AKAP1: variants seen among roughly 807,000 people sequenced by gnomAD.
AKAP1 encodes A-kinase anchoring protein 1, also known as A-kinase anchor protein 1, mitochondrial.
A neutral mutation model predicts 79.8 loss-of-function variants in AKAP1; 32 were observed. That is an observed-to-expected ratio of 0.40 (90% CI 0.30 to 0.54). The LOEUF is 0.54. Ranked by LOEUF, AKAP1 falls within the 20% of genes least tolerant of loss-of-function variation. The pLI, the probability that AKAP1 is intolerant of heterozygous loss-of-function variation, is 0.47. For synonymous variants in AKAP1, 416 were observed against 466.7 expected (o/e 0.89, Z 1.40); for missense variants, 961 against 1,138.9 (o/e 0.84, Z 2.25).
At chr17:57,092,627 C>T (rs1435390809) in intron 1 of AKAP1, 5 of 152,214 alleles carry the variant, frequency 3.3e-5, no homozygotes, top group African/African-American at 1.2e-4. Flanking sequence ...TTTACCTACA[C>T]AGTGTACCTG....
In AKAP1 at chr17:57,106,185, G is replaced by C; in HGVS notation, c.721G>C (p.Gly241Arg). 4 of 1,614,168 alleles carry C rather than the reference G, an allele frequency of 2.5e-6. No homozygotes were observed. The highest frequency in any genetic ancestry group is 3.4e-6 in the Non-Finnish European group (4 of 1,180,044). The change falls in exon 2 of 11, where the codon GGG becomes CGG. Residue 241 changes from glycine to arginine, a missense_variant. By Grantham distance (125) the Gly-to-Arg change is moderately radical. Transcript: ENST00000337714. The stretch of plus-strand genomic sequence containing the variant: ...GGGCCCCAGCCTGGCCTCTTTAGAG[G>C]GGGAAGAAGATAAGGGGAAGAGCAG... Reference protein sequence around the residue: ...SKGPSLASLEGEEDKGKSSSS... With the variant: ...SKGPSLASLEREEDKGKSSSS...
chr17:57,092,968 T>TC (rs1039250080), intron 1 of AKAP1: 4 of 152,628 alleles, frequency 2.6e-5, no homozygotes, highest in African/African-American at 7.2e-5. Flanking sequence ...TCCTCCTGCT[T>TC]CCCCCCAGAT....
At chr17:57,108,089 T>C (rs1218675697) in intron 2 of AKAP1, 10 of 1,111,228 alleles carry the variant, frequency 9.0e-6, no homozygotes, top group Non-Finnish European at 1.1e-5. Context: ...CACCCTGGGG[T>C]GTTTTCATTT....
intron 3 of AKAP1, among the ~76,000 whole-genome samples, chr17:57,110,575 CT>C (rs1164954838): frequency 5.3e-5 from 8 of 152,236 alleles, no homozygotes; most frequent in Non-Finnish European, 1.0e-4. Flanking sequence ...TTTTAGAGAA[CT>C]TGAAAAGTAT....
chr17:57,093,370 G>T (rs541163214), intron 1 of AKAP1: 1 of 152,166 alleles, frequency 6.6e-6, no homozygotes, highest in Non-Finnish European at 1.5e-5. Context: ...CTCACAGTGC[G>T]TGTTAAACTC....
At chr17:57,103,788 T>G (rs974240733) in intron 1 of AKAP1, among the ~76,000 whole-genome samples, 5 of 152,324 alleles carry the variant, frequency 3.3e-5, no homozygotes, top group African/African-American at 1.2e-4. Flanking sequence ...TTAGTGAGTG[T>G]TAACTGCTTT....
intron 5 of AKAP1, among the ~76,000 whole-genome samples, chr17:57,113,280 T>C (rs78533303): frequency 0.021 from 3,256 of 152,280 alleles, 126 homozygotes; most frequent in African/African-American, 0.073. Flanking sequence ...TTGGGTCTTA[T>C]CTCACTGGGA....
At chr17:57,089,619 T>TC (rs1472142117) in intron 1 of AKAP1, among the ~76,000 whole-genome samples, 2 of 152,216 alleles carry the variant, frequency 1.3e-5, no homozygotes, top group Non-Finnish European at 2.9e-5. Flanking sequence ...AGTTTTTTTT[T>TC]CTCCAACTCT....
intron 5 of AKAP1, among the ~76,000 whole-genome samples, 186 bp from the exon 6 acceptor site, chr17:57,114,273 A>G (rs1306982395): frequency 6.6e-6 from 1 of 152,188 alleles, no homozygotes; most frequent in East Asian, 1.9e-4. Context: ...CAACAGCCAC[A>G]GGGGTGTCGA....
intron 1 of AKAP1, chr17:57,092,871 C>T (rs1213850947): frequency 2.0e-5 from 3 of 152,288 alleles, no homozygotes; most frequent in Admixed American, 1.3e-4. Flanking sequence ...TTCACCTCCC[C>T]TCTTGCTACC....
chr17:57,101,186 G>A (rs1046604486), intron 1 of AKAP1, among the ~76,000 whole-genome samples: 4 of 152,138 alleles, frequency 2.6e-5, no homozygotes, highest in African/African-American at 4.8e-5. Flanking sequence ...GGGTGTGGGC[G>A]GGTTATTACA....
At chr17:57,115,766 C>G (rs78614542) in intron 6 of AKAP1, among the ~76,000 whole-genome samples, 2 of 152,202 alleles carry the variant, frequency 1.3e-5, no homozygotes, top group South Asian at 4.1e-4. Context: ...GGCCCTGGCC[C>G]CCATTCCCCG....
At chr17:57,094,395 CAAG>C (rs1026731181) in intron 1 of AKAP1, 4 of 152,276 alleles carry the variant, frequency 2.6e-5, no homozygotes, top group African/African-American at 9.7e-5. Context: ...TTGTGGCCCA[CAAG>C]AAGCCAGCCG....
intron 1 of AKAP1, among the ~76,000 whole-genome samples, chr17:57,102,600 G>A (rs562241655): frequency 3.3e-5 from 5 of 151,724 alleles, no homozygotes; most frequent in African/African-American, 1.2e-4. Flanking sequence ...GAGTAGCTGG[G>A]AGTACAGGCT....
chr17:57,109,193 T>C (rs770262106), intron 2 of AKAP1, among the ~76,000 whole-genome samples: 4 of 152,124 alleles, frequency 2.6e-5, no homozygotes, highest in Non-Finnish European at 5.9e-5. Flanking sequence ...GGTGATTGAG[T>C]CATCCATATT....
At chr17:57,107,304 C>A in intron 2 of AKAP1, 126 bp downstream of exon 2, 1 of 1,354,880 alleles carries the variant, frequency 7.4e-7, no homozygotes, top group Non-Finnish European at 1.0e-6. Context: ...AGCTCTTTAT[C>A]GCAACCTGCA....
Position 57,111,923 on chromosome 17 carries a change from A to G in AKAP1, c.1974A>G (p.Glu658=), listed in dbSNP as rs750467504. The G allele has an allele frequency of 8.1e-6, 13 of 1,612,598 alleles. No homozygotes were observed. The highest frequency in any genetic ancestry group is 1.1e-5 in the Non-Finnish European group (13 of 1,178,892). The change falls in exon 4 of 11, where the codon GAA becomes GAG. Residue 658 remains glutamate, a splice_region_variant and synonymous_variant. Transcript: ENST00000337714. ...YTQSVQICHI[E]GSQHHVDKAL... is the part of the protein sequence containing the mutation. ...AGAGCGTCCAGATCTGCCACATAGA[A>G]GGTCAGTAACATCTGCTGCTTGTAT...
chr17:57,090,858 A>G (rs1913742944), intron 1 of AKAP1, among the ~76,000 whole-genome samples: 1 of 152,228 alleles, frequency 6.6e-6, no homozygotes, highest in Non-Finnish European at 1.5e-5. Context: ...AGCTGATTGA[A>G]AAAGACAATC....
Position 57,106,584 on chromosome 17 carries a change from C to A in AKAP1, c.1120C>A (p.Arg374Ser). Reference protein sequence around the residue: ...LATTVGKVAGRVCQASQLQGQ... With the variant: ...LATTVGKVAGSVCQASQLQGQ... ...CACCACGGTTGGCAAGGTTGCAGGT[C>A]GTGTGTGTCAGGCCAGTCAGCTCCA... The change falls in exon 2 of 11, where the codon CGT becomes AGT. Residue 374 changes from arginine to serine, a missense_variant. Arg to Ser is a moderately radical substitution (Grantham distance 110). Coordinates refer to ENST00000337714, the MANE Select transcript of AKAP1 (RefSeq NM_003488.4). 6.2e-7 allele frequency: 1 copy of A among 1,614,142 alleles called. No homozygotes were observed. Among genetic ancestry groups the A allele is most frequent in the Non-Finnish European group, 8.5e-7 (1 of 1,180,030 alleles).
Sources: allele counts gnomAD v4.1 joint callset (sites outside exome capture counted in the v4.1 genomes callset), GRCh38; gene constraint gnomAD v4.1.1; transcripts MANE v1.5; gene names NCBI Gene and HGNC (gene_info 2026-07-23, HGNC 2026-07-21).